The following SEMA6D variants were observed in gnomAD, a reference collection of about 807,000 sequenced individuals.
The protein encoded by SEMA6D is semaphorin 6D, also known as semaphorin-6D.
SEMA6D carries 35 observed loss-of-function variants against 106.6 expected under a neutral mutation model. That is an observed-to-expected ratio of 0.33 (90% CI 0.25 to 0.44). The LOEUF (loss-of-function observed/expected upper bound fraction) is 0.44, where lower values mean the gene tolerates loss of function less well. SEMA6D is among the 20% of genes least tolerant of loss of function. The pLI is 1.00. For synonymous variants in SEMA6D, 499 were observed against 487.7 expected, an observed-to-expected ratio of 1.02 and a Z score of -0.31; for missense variants, 1,185 against 1,345.9, an observed-to-expected ratio of 0.88 and a Z score of 1.87.
chr15:47,572,950 AAAATATT>A (rs2076089875), intron 3 of SEMA6D, among the ~76,000 whole-genome samples: 1 of 152,166 alleles, frequency 6.6e-6, no homozygotes, highest in African/African-American at 2.4e-5. Context: ...GCATTTGAAA[AAAATATT>A]AAATATTAAT....
chr15:47,254,875 T>TTTTTTTTTTGTGTG (rs1555411185), intron 1 of SEMA6D, among the ~76,000 whole-genome samples: 2 of 134,308 alleles, frequency 1.5e-5, no homozygotes, highest in African/African-American at 5.6e-5. Context: ...ACCTGTGGTT[T>TTTTTTTTTTGTGTG]TGTGTGTGTG....
At chr15:47,323,136 T>C (rs974753406) in intron 1 of SEMA6D, among the ~76,000 whole-genome samples, 4 of 152,150 alleles carry the variant, frequency 2.6e-5, no homozygotes, top group Non-Finnish European at 5.9e-5. Context: ...GCTTTTTAGC[T>C]CCCGTAGTTT....
chr15:47,281,608 A>T (rs34921440), intron 1 of SEMA6D, among the ~76,000 whole-genome samples: 55,660 of 151,822 alleles, frequency 0.37, 10,585 homozygotes, highest in Middle Eastern at 0.5. Context: ...TAGTTGATGC[A>T]GTTTCTTCCT....
intron 1 of SEMA6D, among the ~76,000 whole-genome samples, chr15:47,732,798 AT>A (rs1421283596): frequency 1.8e-4 from 28 of 152,350 alleles, no homozygotes; most frequent in African/African-American, 6.5e-4. Flanking sequence ...ATTAAAAAAA[AT>A]AAAAGATATG....
At chr15:47,450,523 A>G (rs1274955368) in intron 2 of SEMA6D, among the ~76,000 whole-genome samples, 3 of 152,196 alleles carry the variant, frequency 2.0e-5, no homozygotes, top group Admixed American at 6.5e-5. Context: ...TTCTTCTCAG[A>G]AACTGGCTTC....
chr15:47,383,193 C>T (rs747593408), intron 1 of SEMA6D, among the ~76,000 whole-genome samples: 6 of 152,172 alleles, frequency 3.9e-5, no homozygotes, highest in Admixed American at 6.5e-5. Flanking sequence ...CCTCTATTTC[C>T]AAGGACATAG....
intron 3 of SEMA6D, among the ~76,000 whole-genome samples, chr15:47,533,494 G>A (rs117732382): frequency 7.9e-5 from 12 of 152,024 alleles, no homozygotes; most frequent in African/African-American, 1.4e-4. Context: ...GTTTTCATTC[G>A]GTCATTTTCT....
intron 1 of SEMA6D, among the ~76,000 whole-genome samples, chr15:47,372,190 T>G (rs1481946420): frequency 6.6e-6 from 1 of 152,214 alleles, no homozygotes; most frequent in Non-Finnish European, 1.5e-5. Context: ...GCACCCAGCC[T>G]CTAGCTTCAT....
intron 1 of SEMA6D, among the ~76,000 whole-genome samples, chr15:47,729,215 C>G (rs2079961469): frequency 6.6e-6 from 1 of 152,196 alleles, no homozygotes; most frequent in South Asian, 2.1e-4. Context: ...AGCCCTGTTG[C>G]TTTTAGACTA....
intron 3 of SEMA6D, among the ~76,000 whole-genome samples, chr15:47,594,433 G>A (rs2076498446): frequency 6.6e-6 from 1 of 152,052 alleles, no homozygotes; most frequent in African/African-American, 2.4e-5. Flanking sequence ...TGTTTCTCAG[G>A]GACACCTGCA....
At chr15:47,282,424 A>G (rs1397545327) in intron 1 of SEMA6D, among the ~76,000 whole-genome samples, 1 of 152,162 alleles carries the variant, frequency 6.6e-6, no homozygotes, top group African/African-American at 2.4e-5. Context: ...TACTCACAGT[A>G]TCCTATTATA....
At chr15:47,305,174 A>C (rs2036186678) in intron 1 of SEMA6D, among the ~76,000 whole-genome samples, 1 of 152,166 alleles carries the variant, frequency 6.6e-6, no homozygotes, top group African/African-American at 2.4e-5. Context: ...CAAGGTTTCC[A>C]GGTGATTATT....
At chr15:47,551,826 C>T (rs1045861556) in intron 3 of SEMA6D, among the ~76,000 whole-genome samples, 2 of 152,100 alleles carry the variant, frequency 1.3e-5, no homozygotes, top group Admixed American at 6.6e-5. Flanking sequence ...TGTATAATTT[C>T]ACTGAAACCA....
At chr15:47,444,293 C>T (rs1228234971) in intron 2 of SEMA6D, among the ~76,000 whole-genome samples, 1 of 152,140 alleles carries the variant, frequency 6.6e-6, no homozygotes, top group Non-Finnish European at 1.5e-5. Context: ...TGTGGATATT[C>T]ACAAAGGAGA....
In SEMA6D at chr15:47,557,845, T is replaced by C. The variant is rs1362507379; in HGVS notation, c.-86-43020T>C. Among the ~76,000 whole-genome samples, 6 of 152,254 alleles carry C rather than the reference T, an allele frequency of 3.9e-5. No homozygotes were observed. The East Asian group carries it at 1.2e-3, about 29-fold the overall frequency. ...TGTTAGAACGGGCCTGTTAATTTGT[T>C]ACCCTACAGTGAATGCAAGGTAAGC... On this transcript the variant is annotated intron_variant, in intron 3 of 19. Coordinates refer to the SEMA6D transcript ENST00000558014.
chr15:47,266,250 G>T (rs548132221), intron 1 of SEMA6D, among the ~76,000 whole-genome samples: 2 of 151,374 alleles, frequency 1.3e-5, no homozygotes, highest in East Asian at 1.9e-4. Context: ...TTTTTTTCCA[G>T]AGCCCCTTAG....
intron 1 of SEMA6D, among the ~76,000 whole-genome samples, chr15:47,252,983 A>G (rs1166089012): frequency 6.6e-6 from 1 of 152,116 alleles, no homozygotes; most frequent in African/African-American, 2.4e-5. Flanking sequence ...ACTGTTTTCC[A>G]TAATGGCTGT....
rs2037513753 is a variant in SEMA6D, at chr15:47,335,441, G to A, written c.-238-76952G>A. ...AAAGTCAGTTTACAGTGAGAGGAGG[G>A]ACTGCCCAACTCTCCCTATAAATGC... On this transcript the variant is annotated intron_variant, in intron 1 of 19. Coordinates refer to the SEMA6D transcript ENST00000558014. Among the ~76,000 whole-genome samples, 3 of 152,032 alleles carry A rather than the reference G, an allele frequency of 2.0e-5. No individual in the cohort carries two copies. In the South Asian group the frequency reaches 6.2e-4, roughly 32 times the overall value.
chr15:47,291,424 A>C (rs554529267), intron 1 of SEMA6D, among the ~76,000 whole-genome samples: 1 of 152,302 alleles, frequency 6.6e-6, no homozygotes, highest in East Asian at 1.9e-4. Context: ...CTAGAACTCC[A>C]GCACTGGACT....
Sources: gnomAD v4.1 joint callset for allele counts (sites outside exome capture counted in the v4.1 genomes callset) on GRCh38, gnomAD v4.1.1 for gene constraint, MANE v1.5 for transcripts, NCBI Gene and HGNC (gene_info 2026-07-23, HGNC 2026-07-21) for gene names.